SCN4B: variants seen among roughly 807,000 people sequenced by gnomAD.
SCN4B encodes sodium voltage-gated channel beta subunit 4, also known as sodium channel regulatory subunit beta-4.
A neutral mutation model predicts 19.6 loss-of-function variants in SCN4B; 20 were observed. The observed-to-expected ratio is 1.02, with a 90% CI of 0.72 to 1.48. The LOEUF (loss-of-function observed/expected upper bound fraction) is 1.48. Among genes scored for constraint, SCN4B ranks in the 40% most tolerant of loss-of-function variants. The pLI, the probability that SCN4B is intolerant of heterozygous loss-of-function variation, is 0.00. For synonymous variants in SCN4B, 127 were observed against 122.8 expected, an observed-to-expected ratio of 1.03 and a Z score of -0.22; for missense variants, 271 against 287.5, an observed-to-expected ratio of 0.94 and a Z score of 0.42.
Position 118,133,414 on chromosome 11 carries a change from TA to T in SCN4B, c.*3612del, listed in dbSNP as rs1479399319. 1 of 414,414 alleles carries T rather than the reference TA, an allele frequency of 2.4e-6. No individual in the cohort carries two copies. The highest frequency in any genetic ancestry group is 1.7e-5 in the South Asian group (1 of 58,924). The allele number at this position is 414,414 out of a possible 1,614,324, so 25.7% of individuals were successfully genotyped here. ...ATTTTTATTTCATCCAAGGCAAAGC[TA>T]AATACAATTCTACAATGCAAAACTT... is the stretch of plus-strand genomic sequence containing the variant. On this transcript the variant is annotated 3_prime_UTR_variant, in exon 5 of 5. Coordinates refer to ENST00000324727, the MANE Select transcript of SCN4B (RefSeq NM_174934.4).
rs1198901474 is a variant in SCN4B, at chr11:118,133,946, A to G, written c.*3081T>C. The G allele has an allele frequency of 8.8e-6, 4 of 454,462 alleles. No individual in the cohort carries two copies. Among genetic ancestry groups the G allele is most frequent in the East Asian group, 1.4e-4 (2 of 14,406 alleles). The allele number at this position is 454,462 out of a possible 1,614,324, so 28.2% of individuals were successfully genotyped here. A position where few individuals can be genotyped will look rare whatever the true frequency, so the allele number is the denominator to read the frequency against. ...AATGTCCAGCATCTGCCCATCATGC[A>G]TCACCCCTTACATGCAGAGCCCATC... On this transcript the variant is annotated 3_prime_UTR_variant, in exon 5 of 5. Coordinates refer to ENST00000324727, the MANE Select transcript of SCN4B (RefSeq NM_174934.4).
chr11:118,144,994 G>A, intron 2 of SCN4B, 63 bp downstream of exon 2: 1 of 1,523,206 alleles, frequency 6.6e-7, no homozygotes, highest in Non-Finnish European at 9.1e-7. Flanking sequence ...AGGGACCAGA[G>A]CGTAGGAGGC....
intron 1 of SCN4B, chr11:118,145,785 C>G (rs915180224): frequency 4.5e-6 from 1 of 220,484 alleles, no homozygotes; most frequent in African/African-American, 2.3e-5. Context: ...CTCGTTCCCC[C>G]GCCCTGGAGG....
At position 118,134,068 on chromosome 11, in the gene SCN4B, A is replaced by G. The variant is rs923160677; in HGVS notation, c.*2959T>C. ...CCTGCCATCTCACAAGCATGCTCTC[A>G]AGCCCTCGCTCCACAAGAGCTCTGA... On this transcript the variant is annotated 3_prime_UTR_variant, in exon 5 of 5. Coordinates refer to ENST00000324727, the MANE Select transcript of SCN4B (RefSeq NM_174934.4). The G allele has an allele frequency of 8.8e-6, 4 of 454,334 alleles. No individual in the cohort carries two copies. Among genetic ancestry groups the G allele is most frequent in the Non-Finnish European group, 1.8e-5 (4 of 226,780 alleles). The allele number at this position is 454,334 out of a possible 1,614,324, so 28.1% of individuals were successfully genotyped here. A position where few individuals can be genotyped will look rare whatever the true frequency, so the allele number is the denominator to read the frequency against.
intron 1 of SCN4B, among the ~76,000 whole-genome samples, chr11:118,150,731 A>G (rs1697713852): frequency 6.6e-6 from 1 of 152,098 alleles, no homozygotes; most frequent in African/African-American, 2.4e-5. Flanking sequence ...GAACACCTCC[A>G]GTTGGCTGTC....
rs766778613 is a variant in SCN4B, at chr11:118,141,186, G to C, written c.593+21C>G. 6.2e-6 allele frequency: 10 copies of C among 1,612,620 alleles called. No individual in the cohort carries two copies. The South Asian group carries it at 9.9e-5, about 16-fold the overall frequency. ...GTGGTGGGCTGCTGGGAGGACAGGA[G>C]TGTGCTCCAGATCAACTCACTTCTT... On this transcript the variant is annotated intron_variant, in intron 4 of 4. Coordinates refer to ENST00000324727, the MANE Select transcript of SCN4B (RefSeq NM_174934.4).
intron 1 of SCN4B, among the ~76,000 whole-genome samples, chr11:118,149,897 C>T (rs1372721999): frequency 1.3e-5 from 2 of 152,200 alleles, no homozygotes; most frequent in Non-Finnish European, 2.9e-5. Flanking sequence ...CTTGCACCTC[C>T]AGCAGGTTCA....
At chr11:118,151,555 C>T (rs1238369116) in intron 1 of SCN4B, among the ~76,000 whole-genome samples, 1 of 152,204 alleles carries the variant, frequency 6.6e-6, no homozygotes, top group Non-Finnish European at 1.5e-5. Flanking sequence ...TCTCTCCCCT[C>T]TTCACCACCA....
chr11:118,136,903 G>A lies in SCN4B; in HGVS notation c.*124C>T. ...GCAGGACTCTGGTTTCTTGTGCCCG[G>A]AAAGACTACAGTTTGAGCCAAGCAG... On this transcript the variant is annotated 3_prime_UTR_variant, in exon 5 of 5. Transcript: ENST00000324727. 2.7e-6 allele frequency: 2 copies of A among 742,438 alleles called. No homozygotes were observed. The highest frequency in any genetic ancestry group is 4.8e-6 in the Non-Finnish European group (2 of 414,622). The allele number at this position is 742,438 out of a possible 1,614,324, so 46.0% of individuals were successfully genotyped here.
intron 2 of SCN4B, among the ~76,000 whole-genome samples, chr11:118,144,852 C>T (rs937873058): frequency 1.3e-5 from 2 of 152,088 alleles, no homozygotes; most frequent in Non-Finnish European, 2.9e-5. Context: ...TCCAACAGTC[C>T]CCGAATTCTG....
intron 1 of SCN4B, among the ~76,000 whole-genome samples, chr11:118,149,195 T>G (rs1390479007): frequency 2.6e-5 from 4 of 152,176 alleles, no homozygotes; most frequent in African/African-American, 9.7e-5. Flanking sequence ...CTACCATATA[T>G]CCCAAGGCAA....
At position 118,144,053 on chromosome 11, in the gene SCN4B, C is replaced by G. The variant is rs759355022; in HGVS notation, c.243G>C (p.Glu81Asp). ...NSSDAFKILI[E>D]GTVKNEKSDP... ...CAGACTTCTCATTCTTCACAGTCCC[C>G]TCTATGAGCTGGTGGAGGAAGGGAG... Residue 81 changes from glutamate to aspartate, a missense_variant, in exon 3 of 5, where the codon GAG (glutamate) becomes GAC (aspartate). Physicochemically the swap from Glu to Asp is conservative, Grantham distance 45. Transcript: ENST00000324727. 1.2e-6 allele frequency: 2 copies of G among 1,610,584 alleles called. No homozygotes were observed. Among genetic ancestry groups the G allele is most frequent in the Non-Finnish European group, 1.7e-6 (2 of 1,176,818 alleles).
chr11:118,151,170 T>C (rs1361716925), intron 1 of SCN4B, among the ~76,000 whole-genome samples: 1 of 151,560 alleles, frequency 6.6e-6, no homozygotes, highest in African/African-American at 2.4e-5. Flanking sequence ...CAGGGCCCTC[T>C]TGGTTGCCCA....
rs1285076403 is a variant in SCN4B at position 118,134,728 on chromosome 11, T to C, written c.*2299A>G. 1.5e-5 allele frequency: 7 copies of C among 454,076 alleles called. No individual in the cohort carries two copies. The highest frequency in any genetic ancestry group is 3.1e-5 in the Non-Finnish European group (7 of 226,790). 28.1% of individuals were successfully genotyped at this position (454,076 alleles called of 1,614,324 possible). ...TGTGTCTGTATGTGGGTTGTAGAGA[T>C]GGGACACAGAGATGAAGACAGGACA... is the stretch of plus-strand genomic sequence containing the variant. On this transcript the variant is annotated 3_prime_UTR_variant, in exon 5 of 5. Coordinates refer to ENST00000324727, the MANE Select transcript of SCN4B (RefSeq NM_174934.4).
intron 4 of SCN4B, among the ~76,000 whole-genome samples, chr11:118,138,271 A>G (rs1948049561): frequency 6.6e-6 from 1 of 152,124 alleles, no homozygotes; most frequent in African/African-American, 2.4e-5. Context: ...AGGACTGAAT[A>G]TTTTGTCCTC....
At chr11:118,146,063 G>A (rs1948170406) in intron 1 of SCN4B, among the ~76,000 whole-genome samples, 1 of 152,056 alleles carries the variant, frequency 6.6e-6, no homozygotes, top group Non-Finnish European at 1.5e-5. Context: ...CCGAGTGCAC[G>A]CGCGCGGGGG....
rs1947971789 is a variant in SCN4B, at chr11:118,134,756, C to G, written c.*2271G>C. 1 of 453,974 alleles carries G rather than the reference C, an allele frequency of 2.2e-6. No homozygotes were observed. Among genetic ancestry groups the G allele is most frequent in the South Asian group, 1.6e-5 (1 of 64,482 alleles). 28.1% of individuals were successfully genotyped at this position (453,974 alleles called of 1,614,324 possible). On this transcript the variant is annotated 3_prime_UTR_variant, in exon 5 of 5. Transcript: ENST00000324727. ...GACACAGAGATGAAGACAGGACAGACTTGGAACTATCCCTGCAATTAATAC... is the reference window on the plus strand; with the variant it reads ...GACACAGAGATGAAGACAGGACAGAGTTGGAACTATCCCTGCAATTAATAC...
At position 118,135,275 on chromosome 11, in the gene SCN4B, CG is replaced by C. The variant is rs1947979024; in HGVS notation, c.*1751del. ...GGCTAAGGGACACTGGCCACAGCCA[CG>C]GGCACCCTGCAGGTACTACTGGTCC... On this transcript the variant is annotated 3_prime_UTR_variant, in exon 5 of 5. Transcript: ENST00000324727. 2.2e-6 allele frequency: 1 copy of C among 453,854 alleles called. No homozygotes were observed. The highest frequency in any genetic ancestry group is 2.0e-5 in the African/African-American group (1 of 49,970). 28.1% of individuals were successfully genotyped at this position (453,854 alleles called of 1,614,324 possible).
chr11:118,152,777 G>A lies in SCN4B; in HGVS notation c.-104C>T. 2.4e-6 allele frequency: 2 copies of A among 826,412 alleles called. No homozygotes were observed. Among genetic ancestry groups the A allele is most frequent in the Admixed American group, 2.8e-5 (1 of 35,176 alleles). The allele number at this position is 826,412 out of a possible 1,614,324, so 51.2% of individuals were successfully genotyped here. On this transcript the variant is annotated 5_prime_UTR_variant, in exon 1 of 5. Transcript: ENST00000324727. ...CGTTCGGCCACAAAGCTACCCCGGA[G>A]CTCTGCGCCGCCGGTCGGGGCTCGG...
Sources: gnomAD v4.1 joint callset for allele counts (sites outside exome capture counted in the v4.1 genomes callset) on GRCh38, gnomAD v4.1.1 for gene constraint, MANE v1.5 for transcripts, NCBI Gene and HGNC (gene_info 2026-07-23, HGNC 2026-07-21) for gene names.